ANKS1A: variants seen among roughly 807,000 people sequenced by gnomAD.
ANKS1A encodes ankyrin repeat and sterile alpha motif domain containing 1A.
In ANKS1A, 55 loss-of-function variants were observed where a neutral mutation model predicts 120.3. The observed-to-expected ratio is 0.46, with a 90% CI of 0.37 to 0.57. The LOEUF is 0.57. ANKS1A is among the 20% of genes least tolerant of loss of function. ANKS1A has a pLI of 0.00. For synonymous variants in ANKS1A, 590 were observed against 604.7 expected, an observed-to-expected ratio of 0.98 and a Z score of 0.36; for missense variants, 1,123 against 1,480.3, an observed-to-expected ratio of 0.76 and a Z score of 3.96.
At chr6:34,942,913 CCCTTTCCCCTTCCCTTCCCCCTCCTTTT>C (rs1440354340) in intron 1 of ANKS1A, among the ~76,000 whole-genome samples, 5 of 150,114 alleles carry the variant, frequency 3.3e-5, no homozygotes, top group Non-Finnish European at 5.9e-5. Flanking sequence ...CCCTTTCCTT[CCCTTTCCCCTTCCCTTCCCCCTCCTTTT>C]CCTTTCCCCT....
At chr6:34,984,219 C>T (rs1772064850) in intron 7 of ANKS1A, among the ~76,000 whole-genome samples, 1 of 152,126 alleles carries the variant, frequency 6.6e-6, no homozygotes, top group African/African-American at 2.4e-5. Context: ...AGTCAGGATC[C>T]ACCTTTTCAG....
In ANKS1A at chr6:35,084,889, C is replaced by CG. The variant is rs1467356702; in HGVS notation, c.3132+636dup. Among the ~76,000 whole-genome samples the CG allele has an allele frequency of 6.6e-6, 1 of 152,212 alleles. No homozygotes were observed. The highest frequency in any genetic ancestry group is 1.5e-5 in the Non-Finnish European group (1 of 68,032). On this transcript the variant is annotated intron_variant, in intron 21 of 23. Coordinates refer to ENST00000360359, the MANE Select transcript of ANKS1A (RefSeq NM_015245.3). The surrounding 1 kb of genome is among the most constrained non-coding windows in gnomAD (Gnocchi z 4.8). ...CAGACCAGAACTGACAGCCCACAGGCGGGGGTTCCCTCTAACCTGCAACAA... is the reference window on the plus strand; with the variant it reads ...CAGACCAGAACTGACAGCCCACAGGCGGGGGGTTCCCTCTAACCTGCAACAA...
intron 1 of ANKS1A, among the ~76,000 whole-genome samples, chr6:34,893,326 C>G (rs9394252): frequency 0.31 from 46,374 of 151,922 alleles, 9,896 homozygotes; most frequent in African/African-American, 0.58. Flanking sequence ...TTGTAGAGAT[C>G]GTGTCCCACT....
chr6:35,089,734 C>G lies in ANKS1A; in HGVS notation c.*1125C>G, dbSNP rs1425850757. The stretch of plus-strand genomic sequence containing the variant: ...GCTTCTTAAGCTTTCCTGCTGCTCG[C>G]TTTGTTTTTAAAAGTAACTTGGGTT... On this transcript the variant is annotated 3_prime_UTR_variant, in exon 24 of 24. Transcript: ENST00000360359. The G allele has an allele frequency of 3.0e-6, 3 of 995,872 alleles. No homozygotes were observed. Among genetic ancestry groups the G allele is most frequent in the Non-Finnish European group, 3.6e-6 (3 of 836,450 alleles). The allele number at this position is 995,872 out of a possible 1,614,324, so 61.7% of individuals were successfully genotyped here.
At chr6:34,967,711 A>G (rs1770971827) in intron 2 of ANKS1A, among the ~76,000 whole-genome samples, 1 of 151,934 alleles carries the variant, frequency 6.6e-6, no homozygotes. Flanking sequence ...AACAAAAACA[A>G]AACAAAGGTT....
chr6:35,045,748 C>G (rs939214472), intron 11 of ANKS1A, among the ~76,000 whole-genome samples: 3 of 152,194 alleles, frequency 2.0e-5, no homozygotes, highest in African/African-American at 7.2e-5. Context: ...AGAATGCTAG[C>G]TCCCCACCAG....
intron 11 of ANKS1A, among the ~76,000 whole-genome samples, chr6:35,028,249 T>C (rs1323902335): frequency 2.6e-5 from 4 of 152,202 alleles, no homozygotes; most frequent in African/African-American, 9.6e-5. Context: ...GTTTTGCAGC[T>C]TGGGCCCTCT....
chr6:34,897,460 C>T (rs1003288502), intron 1 of ANKS1A, among the ~76,000 whole-genome samples: 13 of 152,116 alleles, frequency 8.5e-5, no homozygotes, highest in African/African-American at 2.9e-4. Context: ...GTTTTTAGCC[C>T]AGAAACACTA....
intron 23 of ANKS1A, among the ~76,000 whole-genome samples, chr6:35,088,099 TG>T (rs1025013148): frequency 7.9e-5 from 12 of 152,152 alleles, no homozygotes; most frequent in African/African-American, 2.9e-4. Context: ...CTCTCCACGG[TG>T]GGGGATCACA....
chr6:35,083,679 G>T (rs1396625687), intron 20 of ANKS1A, among the ~76,000 whole-genome samples, 176 bp downstream of exon 20: 1 of 152,102 alleles, frequency 6.6e-6, no homozygotes, highest in Admixed American at 6.5e-5. Flanking sequence ...CTGCTGGCCT[G>T]GGTGCCTGCT....
intron 11 of ANKS1A, among the ~76,000 whole-genome samples, chr6:35,021,619 A>G (rs988162236): frequency 2.0e-5 from 3 of 152,204 alleles, no homozygotes; most frequent in Non-Finnish European, 4.4e-5. Context: ...AATGGTAGAT[A>G]TTAATGTTAC....
intron 10 of ANKS1A, among the ~76,000 whole-genome samples, chr6:34,996,075 C>G (rs955617674): frequency 2.0e-5 from 3 of 152,180 alleles, no homozygotes; most frequent in African/African-American, 7.2e-5. Flanking sequence ...TATACATCTA[C>G]TTGCTATATA....
intron 9 of ANKS1A, among the ~76,000 whole-genome samples, chr6:34,991,777 TACACACATATATATATACATATATATAC>T (rs1772585991): frequency 1.7e-5 from 1 of 60,378 alleles, no homozygotes; most frequent in Non-Finnish European, 6.1e-5. Flanking sequence ...CACATATATA[TACACACATATATATATACATATATATAC>T]ACACACATAT....
intron 8 of ANKS1A, among the ~76,000 whole-genome samples, chr6:34,986,980 A>G (rs112809953): frequency 0.014 from 2,070 of 152,372 alleles, 21 homozygotes; most frequent in South Asian, 0.028. Flanking sequence ...GCTCAGGGTT[A>G]CTGAAGAAAG....
Position 34,982,102 on chromosome 6 carries a change from C to T in ANKS1A, c.732+116C>T. 1 of 1,271,728 alleles carries T rather than the reference C, an allele frequency of 7.9e-7. No homozygotes were observed. The highest frequency in any genetic ancestry group is 2.4e-5 in the East Asian group (1 of 41,962). The allele number at this position is 1,271,728 out of a possible 1,614,324, so 78.8% of individuals were successfully genotyped here. On this transcript the variant is annotated intron_variant, in intron 4 of 23. Coordinates refer to ENST00000360359, the MANE Select transcript of ANKS1A (RefSeq NM_015245.3). The surrounding 1 kb of genome is among the most constrained non-coding windows in gnomAD (Gnocchi z 4.9). The stretch of plus-strand genomic sequence containing the variant: ...ATTTAGCACGTTTCACATCATGTTT[C>T]AAATGCTTATTTGCCGACTCATTCT...
intron 1 of ANKS1A, among the ~76,000 whole-genome samples, chr6:34,965,973 C>T (rs1389902121): frequency 6.6e-6 from 1 of 152,066 alleles, no homozygotes; most frequent in East Asian, 1.9e-4. Context: ...AAACTTCTGG[C>T]CTCAACTGAT....
chr6:34,940,706 C>T lies in ANKS1A; in HGVS notation c.198-26533C>T, dbSNP rs377439070. Among the ~76,000 whole-genome samples, 9 of 151,962 alleles carry T rather than the reference C, an allele frequency of 5.9e-5. No homozygotes were observed. In the East Asian group the frequency reaches 1.2e-3, roughly 20 times the overall value. ...CAGGCGGATCACAAGGTCAGGAGTT[C>T]GAGACCAGCCTAGCCAACATGATGA... On this transcript the variant is annotated intron_variant, in intron 1 of 23. Coordinates refer to ENST00000360359, the MANE Select transcript of ANKS1A (RefSeq NM_015245.3).
chr6:34,978,398 C>T (rs1448151592), intron 3 of ANKS1A, among the ~76,000 whole-genome samples: 6 of 152,140 alleles, frequency 3.9e-5, no homozygotes, highest in African/African-American at 1.2e-4. Flanking sequence ...TTGTGAACAC[C>T]TGTAGTGAGA....
intron 3 of ANKS1A, among the ~76,000 whole-genome samples, chr6:34,972,949 C>T (rs1771261305): frequency 6.6e-6 from 1 of 152,050 alleles, no homozygotes; most frequent in Admixed American, 6.6e-5. Context: ...AATTTTGATT[C>T]TTAAAATTTT....
Sources: gnomAD v4.1 joint callset for allele counts (sites outside exome capture counted in the v4.1 genomes callset) on GRCh38, gnomAD v4.1.1 for gene constraint, Gnocchi (gnomAD v3.1) non-coding constraint, MANE v1.5 for transcripts, NCBI Gene and HGNC (gene_info 2026-07-23, HGNC 2026-07-21) for gene names.